DDX21: variants seen among roughly 807,000 people sequenced by gnomAD.
The protein encoded by DDX21 is nucleolar RNA helicase 2.
Under a neutral mutation model 90.0 loss-of-function variants are expected in DDX21, and 18 were observed. The ratio of observed to expected loss-of-function variants is 0.20; its 90% CI spans 0.14 to 0.30. The LOEUF (loss-of-function observed/expected upper bound fraction) is 0.30, where lower values mean the gene tolerates loss of function less well. DDX21 is among the 10% of genes least tolerant of loss of function. The pLI is 1.00. For synonymous variants in DDX21, 294 were observed against 318.0 expected, an observed-to-expected ratio of 0.92 and a Z score of 0.80; for missense variants, 673 against 944.5, an observed-to-expected ratio of 0.71 and a Z score of 3.77.
intron 14 of DDX21, among the ~76,000 whole-genome samples, chr10:68,981,834 T>C (rs1843195909): frequency 6.6e-6 from 1 of 152,124 alleles, no homozygotes; most frequent in African/African-American, 2.4e-5. Flanking sequence ...TTAACACTTA[T>C]ATATGGTATA....
rs1368994536 is a variant in DDX21, at chr10:68,967,143, A to T, written c.1030A>T (p.Met344Leu). The T allele has an allele frequency of 1.2e-6, 2 of 1,612,238 alleles. No homozygotes were observed. Among genetic ancestry groups the T allele is most frequent in the Non-Finnish European group, 1.7e-6 (2 of 1,179,286 alleles). Residue 344 changes from methionine to leucine, a missense_variant, in exon 6 of 15, where the codon ATG (methionine) becomes TTG (leucine). Met to Leu is a conservative substitution (Grantham distance 15, BLOSUM62 2). Coordinates refer to ENST00000354185, the MANE Select transcript of DDX21 (RefSeq NM_004728.4). The stretch of plus-strand genomic sequence containing the variant: ...TGTTGTCCTGGATGAAGTGGACCAG[A>T]TGTTGGATATGGGATTTGCTGATCA... ...KHVVLDEVDQ[M>L]LDMGFADQVE...
chr10:68,978,764 A>G, intron 12 of DDX21, 78 bp from the exon 13 acceptor site: 1 of 1,520,488 alleles, frequency 6.6e-7, no homozygotes, highest in South Asian at 1.3e-5. Flanking sequence ...GAAATATTTT[A>G]GAATCACAAA....
intron 14 of DDX21, among the ~76,000 whole-genome samples, chr10:68,982,159 C>T (rs1032045281): frequency 1.3e-5 from 2 of 152,184 alleles, no homozygotes; most frequent in African/African-American, 2.4e-5. Context: ...TGAGCCACCA[C>T]GTCCAGCCTA....
In DDX21 at chr10:68,982,654, C is replaced by T. The variant is rs545140041; in HGVS notation, c.2194C>T (p.Arg732Ter). Residue 732 changes from arginine (R) to a stop codon, truncating the protein, a stop_gained, in exon 15 of 15, where the codon CGA becomes TGA. Coordinates refer to ENST00000354185, the MANE Select transcript of DDX21 (RefSeq NM_004728.4). LOFTEE classifies it high-confidence loss of function. The part of the protein sequence containing the change: ...GGFRGQREGS[R>*]GFRGQRDGNR... ...CTTCAGGGGACAGCGGGAAGGCAGT[C>T]GAGGCTTCAGGGGACAGCGGGACGG... The T allele has an allele frequency of 1.2e-6, 2 of 1,612,672 alleles. No homozygotes were observed. Among genetic ancestry groups the T allele is most frequent in the Non-Finnish European group, 1.7e-6 (2 of 1,179,590 alleles).
intron 11 of DDX21, among the ~76,000 whole-genome samples, chr10:68,976,090 G>A (rs1452399307): frequency 1.3e-5 from 2 of 151,432 alleles, no homozygotes; most frequent in African/African-American, 4.8e-5. Context: ...AATTAGATGT[G>A]GTAGCAAGTG....
Position 68,970,185 on chromosome 10 carries a change from T to C in DDX21, c.1237-16T>C. 2 of 1,593,498 alleles carry C rather than the reference T, an allele frequency of 1.3e-6. No homozygotes were observed. The highest frequency in any genetic ancestry group is 1.7e-6 in the Non-Finnish European group (2 of 1,172,570). ...AAAGCTTTACTAAATAGATGTTTTT[T>C]TTCTTCTTACATAAGCATCTGGCTA... On this transcript the variant is annotated splice_polypyrimidine_tract_variant and intron_variant, in intron 7 of 14. Coordinates refer to ENST00000354185, the MANE Select transcript of DDX21 (RefSeq NM_004728.4).
rs1017143937 is a variant in DDX21 at position 68,970,417 on chromosome 10, C to T, written c.1386+67C>T. 6 of 1,471,202 alleles carry T rather than the reference C, an allele frequency of 4.1e-6. No homozygotes were observed. In the African/African-American group the frequency reaches 8.6e-5, roughly 21 times the overall value. 91.1% of individuals were successfully genotyped at this position (1,471,202 alleles called of 1,614,324 possible). A position where few individuals can be genotyped will look rare whatever the true frequency, so the allele number is the denominator to read the frequency against. ...CAAATCTTCACCTTGGGCATATCTG[C>T]TCTTGGTCTGATTTTCATTCATTCA... On this transcript the variant is annotated intron_variant, in intron 8 of 14. Transcript: ENST00000354185.
At chr10:68,959,451 C>A (rs1842844150) in intron 1 of DDX21, among the ~76,000 whole-genome samples, 1 of 152,092 alleles carries the variant, frequency 6.6e-6, no homozygotes, top group South Asian at 2.1e-4. Flanking sequence ...TGAGATTGTG[C>A]CACTTCACTA....
At chr10:68,960,349 G>A in intron 2 of DDX21, 100 bp downstream of exon 2, 2 of 1,246,024 alleles carry the variant, frequency 1.6e-6, no homozygotes, top group Non-Finnish European at 2.2e-6. Flanking sequence ...AGGAGAAAAT[G>A]TGATGTGTCA....
At chr10:68,968,859 G>A (rs1842979709) in intron 6 of DDX21, 117 bp from the exon 7 acceptor site, 3 of 1,184,882 alleles carry the variant, frequency 2.5e-6, no homozygotes, top group Middle Eastern at 2.0e-4. Flanking sequence ...TGCCCGACTT[G>A]GCCTCAGGTG....
At chr10:68,980,125 A>G (rs994798870) in intron 13 of DDX21, among the ~76,000 whole-genome samples, 6 of 152,210 alleles carry the variant, frequency 3.9e-5, no homozygotes, top group Non-Finnish European at 8.8e-5. Context: ...CTGTAATCCC[A>G]GCTACTCAGG....
chr10:68,978,824 CCTTT>C lies in DDX21; in HGVS notation c.1903-14_1903-11del. On this transcript the variant is annotated splice_polypyrimidine_tract_variant and intron_variant, in intron 12 of 14. Transcript: ENST00000354185. ...ATTTTCAGCACTTTAATTTTATTCTCCTTTCTTGTGTTGTAAGGGTTTTGTGACC... is the reference window on the plus strand; with the variant it reads ...ATTTTCAGCACTTTAATTTTATTCTCCTTGTGTTGTAAGGGTTTTGTGACC... 1 of 1,598,528 alleles carries C rather than the reference CCTTT, an allele frequency of 6.3e-7. No homozygotes were observed. Among genetic ancestry groups the C allele is most frequent in the Non-Finnish European group, 8.5e-7 (1 of 1,170,492 alleles).
chr10:68,969,817 A>G (rs1276809325), intron 7 of DDX21, among the ~76,000 whole-genome samples: 1 of 152,244 alleles, frequency 6.6e-6, no homozygotes, highest in Non-Finnish European at 1.5e-5. Context: ...CTGTATATTA[A>G]TCTACTACAG....
At chr10:68,973,372 C>A (rs958372787) in intron 9 of DDX21, among the ~76,000 whole-genome samples, 173 bp from the exon 10 acceptor site, 5 of 152,148 alleles carry the variant, frequency 3.3e-5, no homozygotes, top group African/African-American at 1.2e-4. Flanking sequence ...GACCATTGTT[C>A]TAGAAGCTTT....
chr10:68,968,303 G>A (rs980327325), intron 6 of DDX21, among the ~76,000 whole-genome samples: 1 of 152,114 alleles, frequency 6.6e-6, no homozygotes, highest in Non-Finnish European at 1.5e-5. Context: ...ACAGGCGTGC[G>A]CCACCATGCC....
intron 8 of DDX21, among the ~76,000 whole-genome samples, chr10:68,970,676 G>T (rs1286995114): frequency 6.6e-6 from 1 of 150,998 alleles, no homozygotes; most frequent in Non-Finnish European, 1.5e-5. Context: ...TTTTTGAGAG[G>T]GGGTCTCGCT....
At position 68,963,431 on chromosome 10, in the gene DDX21, G is replaced by A. The variant is rs771588202; in HGVS notation, c.748G>A (p.Gly250Arg). ...CATCCCTTTGATTGAGAAACTTCAT[G>A]GGGAACTGCAAGACAGGAAGAGAGG... is the stretch of plus-strand genomic sequence containing the variant. ...FAIPLIEKLH[G>R]ELQDRKRGRA... Residue 250 changes from glycine to arginine, a missense_variant, in exon 4 of 15, where the codon GGG (glycine) becomes AGG (arginine). By Grantham distance (125) the Gly-to-Arg change is moderately radical (BLOSUM62 -2). Around this residue, in one of 4 missense-constraint regions of DDX21, gnomAD observed 218 missense variants for 347.3 expected, o/e 0.63. Transcript: ENST00000354185. 6.2e-7 allele frequency: 1 copy of A among 1,613,934 alleles called. No individual in the cohort carries two copies. Among genetic ancestry groups the A allele is most frequent in the South Asian group, 1.1e-5 (1 of 91,062 alleles).
Position 68,984,665 on chromosome 10 carries a change from G to A in DDX21, c.*1853G>A, listed in dbSNP as rs1843242414. ...AAAAGGATATGGTACCCGTCCTTTA[G>A]AAAAGAACAGCTAAAACCTTGTTGT... On this transcript the variant is annotated 3_prime_UTR_variant, in exon 15 of 15. Transcript: ENST00000354185. The A allele has an allele frequency of 6.6e-6, 1 of 152,174 alleles. No homozygotes were observed. The highest frequency in any genetic ancestry group is 1.5e-5 in the Non-Finnish European group (1 of 68,020). 9.4% of individuals were successfully genotyped at this position (152,174 alleles called of 1,614,324 possible).
chr10:68,981,213 C>T (rs1323115770), intron 13 of DDX21, among the ~76,000 whole-genome samples: 1 of 152,198 alleles, frequency 6.6e-6, no homozygotes, highest in African/African-American at 2.4e-5. Context: ...GTCAGCTAAC[C>T]TTTCCAAGCC....
Sources: allele counts gnomAD v4.1 joint callset (sites outside exome capture counted in the v4.1 genomes callset), GRCh38; gene constraint gnomAD v4.1.1; regional missense constraint gnomAD v4.1.1; transcripts MANE v1.5; gene names NCBI Gene and HGNC (gene_info 2026-07-23, HGNC 2026-07-21).